The following PIGL variants were observed in gnomAD, a reference collection of about 807,000 sequenced individuals.
PIGL encodes N-acetylglucosaminyl-phosphatidylinositol de-N-acetylase.
A neutral mutation model predicts 31.1 loss-of-function variants in PIGL; 22 were observed. The ratio of observed to expected loss-of-function variants is 0.71; its 90% confidence interval spans 0.51 to 1.01. The LOEUF (loss-of-function observed/expected upper bound fraction) is 1.01, where lower values mean the gene tolerates loss of function less well. Ranked by LOEUF, PIGL falls within the 50% of genes least tolerant of loss-of-function variation. The pLI, the probability that PIGL is intolerant of heterozygous loss-of-function variation, is 0.00. For missense variants in PIGL, 302 were observed against 315.9 expected (o/e 0.96, Z 0.33); for synonymous variants, 131 against 117.4 (o/e 1.12, Z -0.75).
intron 2 of PIGL, among the ~76,000 whole-genome samples, chr17:16,272,170 A>G (rs574113345): frequency 1.3e-5 from 2 of 152,310 alleles, no homozygotes; most frequent in South Asian, 2.1e-4. Context: ...TTAGCCTGAA[A>G]CAAGTTGTGA....
intron 4 of PIGL, among the ~76,000 whole-genome samples, chr17:16,314,954 C>T (rs1047414918): frequency 2.0e-5 from 3 of 152,120 alleles, no homozygotes; most frequent in Non-Finnish European, 2.9e-5. Flanking sequence ...TGATTTCTCT[C>T]CGAGAATTTA....
chr17:16,288,688 C>T (rs146666476), intron 2 of PIGL, among the ~76,000 whole-genome samples: 2,560 of 152,104 alleles, frequency 0.017, 63 homozygotes, highest in African/African-American at 0.058. Flanking sequence ...TACAGGCACG[C>T]ACCACTGTGC....
intron 3 of PIGL, among the ~76,000 whole-genome samples, chr17:16,311,463 C>CTTTATTTTTTTTTTTTTTTTT (rs1313783180): frequency 3.4e-4 from 2 of 5,834 alleles, no homozygotes; most frequent in South Asian, 9.3e-3. Context: ...CAGAGGTTTT[C>CTTTATTTTTTTTTTTTTTTTT]TTTCTTTTTT....
chr17:16,277,846 A>G (rs1265729655), intron 2 of PIGL, among the ~76,000 whole-genome samples: 2 of 152,170 alleles, frequency 1.3e-5, no homozygotes, highest in South Asian at 4.1e-4. Flanking sequence ...TTACATAACA[A>G]TTATAATGAT....
At chr17:16,307,437 G>T (rs183742422) in intron 3 of PIGL, among the ~76,000 whole-genome samples, 201 of 152,326 alleles carry the variant, frequency 1.3e-3, no homozygotes, top group Admixed American at 2.5e-3. Context: ...TGCTGTGCAC[G>T]CTGGGTGGGA....
At chr17:16,315,009 G>T (rs1315442813) in intron 4 of PIGL, among the ~76,000 whole-genome samples, 1 of 152,158 alleles carries the variant, frequency 6.6e-6, no homozygotes, top group East Asian at 1.9e-4. Flanking sequence ...TGCAAACAAA[G>T]AGTACCTCAA....
chr17:16,267,458 A>G (rs182497384), intron 2 of PIGL, among the ~76,000 whole-genome samples: 8 of 152,248 alleles, frequency 5.3e-5, no homozygotes, highest in Admixed American at 3.3e-4. Flanking sequence ...ATCTTTGTAT[A>G]AGTGGACCCA....
chr17:16,300,177 G>T (rs2092998600), intron 3 of PIGL, 199 bp downstream of exon 3: 2 of 550,084 alleles, frequency 3.6e-6, no homozygotes, highest in East Asian at 5.9e-5. Flanking sequence ...TTACGATCTT[G>T]TGTGAGACTG....
At chr17:16,300,059 G>A in intron 3 of PIGL, 81 bp downstream of exon 3, 1 of 1,058,096 alleles carries the variant, frequency 9.5e-7, no homozygotes, top group Non-Finnish European at 1.5e-6. Flanking sequence ...TTTTTCTGTG[G>A]CCACCCTCCC....
chr17:16,237,008 C>T (rs919259662), intron 2 of PIGL, among the ~76,000 whole-genome samples: 2 of 151,472 alleles, frequency 1.3e-5, no homozygotes, highest in Non-Finnish European at 2.9e-5. Context: ...CGTGATCACA[C>T]TTCACTGTAG....
intron 2 of PIGL, among the ~76,000 whole-genome samples, chr17:16,288,601 G>A (rs1316845382): frequency 5.3e-5 from 8 of 149,648 alleles, no homozygotes; most frequent in Middle Eastern, 3.7e-3. Flanking sequence ...GTGCAATGGC[G>A]CGATCTTGGC....
intron 2 of PIGL, among the ~76,000 whole-genome samples, chr17:16,296,672 G>T (rs1278097606): frequency 6.7e-6 from 1 of 150,280 alleles, no homozygotes; most frequent in Admixed American, 6.6e-5. Context: ...TTAAAGGAGG[G>T]TTTAAATTAG....
chr17:16,317,244 A>C, intron 5 of PIGL: 1 of 1,003,138 alleles, frequency 1.0e-6, no homozygotes, highest in Non-Finnish European at 1.2e-6. Flanking sequence ...TGCCCTTTCT[A>C]TGTGGGATGA....
Position 16,254,256 on chromosome 17 carries a change from A to AT in PIGL, c.335+20195dup, listed in dbSNP as rs991433238. ...CCACTGTATTCTAGCATATACACCA[A>AT]TTTTTTTTTCTTTTTTTCTTTTCTT... On this transcript the variant is annotated intron_variant, in intron 2 of 6. Transcript: ENST00000225609. Among the ~76,000 whole-genome samples the AT allele has an allele frequency of 4.6e-5, 7 of 151,150 alleles. No individual in the cohort carries two copies. In the South Asian group the frequency reaches 6.3e-4, roughly 14 times the overall value.
intron 1 of PIGL, among the ~76,000 whole-genome samples, chr17:16,225,088 C>T (rs1480254559): frequency 6.6e-6 from 1 of 152,098 alleles, no homozygotes; most frequent in Non-Finnish European, 1.5e-5. Flanking sequence ...GCCTTCTTTA[C>T]TATCTGTTAA....
At chr17:16,252,438 A>C (rs1296780140) in intron 2 of PIGL, among the ~76,000 whole-genome samples, 1 of 152,062 alleles carries the variant, frequency 6.6e-6, no homozygotes, top group East Asian at 1.9e-4. Context: ...TTCTAAAAGG[A>C]TAGATACCAA....
At chr17:16,287,561 A>G (rs1297794443) in intron 2 of PIGL, among the ~76,000 whole-genome samples, 2 of 152,216 alleles carry the variant, frequency 1.3e-5, no homozygotes, top group Non-Finnish European at 2.9e-5. Flanking sequence ...GTTCTCTCAC[A>G]GACTTATTTT....
intron 2 of PIGL, among the ~76,000 whole-genome samples, chr17:16,265,128 CTG>C (rs2092836980): frequency 6.6e-6 from 1 of 152,102 alleles, no homozygotes; most frequent in Non-Finnish European, 1.5e-5. Context: ...GGAAGTGACA[CTG>C]TGTCATTGTG....
chr17:16,252,177 G>A (rs1030928426), intron 2 of PIGL, among the ~76,000 whole-genome samples: 3 of 151,198 alleles, frequency 2.0e-5, no homozygotes, highest in Non-Finnish European at 4.4e-5. Flanking sequence ...AGGTTCAAGC[G>A]ATGCTCCTGC....
Sources: gnomAD v4.1 joint callset for allele counts (sites outside exome capture counted in the v4.1 genomes callset) on GRCh38, gnomAD v4.1.1 for gene constraint, MANE v1.5 for transcripts, NCBI Gene and HGNC (gene_info 2026-07-23, HGNC 2026-07-21) for gene names.